WRAP53: variants seen among roughly 807,000 people sequenced by gnomAD.
WRAP53 encodes the protein WD repeat containing antisense to TP53, also known as telomerase Cajal body protein 1.
In WRAP53, 28 loss-of-function variants were observed where a neutral mutation model predicts 56.6. The observed-to-expected ratio is 0.50, with a 90% CI of 0.37 to 0.68. The LOEUF is 0.68. Ranked by LOEUF, WRAP53 falls within the 30% of genes least tolerant of loss-of-function variation. WRAP53 has a pLI of 0.00. For synonymous variants in WRAP53, 283 were observed against 283.4 expected, an observed-to-expected ratio of 1.00 and a Z score of 0.01; for missense variants, 671 against 715.5, an observed-to-expected ratio of 0.94 and a Z score of 0.71.
intron 4 of WRAP53, among the ~76,000 whole-genome samples, chr17:7,691,834 G>GTT (rs35471166): frequency 6.6e-6 from 1 of 150,510 alleles, no homozygotes; most frequent in Non-Finnish European, 1.5e-5. Flanking sequence ...CATGAGAGAG[G>GTT]TTTTTTTTGT....
intron 4 of WRAP53, among the ~76,000 whole-genome samples, chr17:7,694,576 GTGT>G (rs1218394768): frequency 2.6e-5 from 4 of 152,098 alleles, no homozygotes; most frequent in African/African-American, 9.7e-5. Flanking sequence ...TTTGTGGCTG[GTGT>G]GGTGGCTCAT....
intron 4 of WRAP53, among the ~76,000 whole-genome samples, chr17:7,694,855 CTTTTTTT>C (rs35283667): frequency 2.2e-5 from 3 of 136,892 alleles, no homozygotes; most frequent in Non-Finnish European, 4.8e-5. Context: ...CCTTTTTGTG[CTTTTTTT>C]TTTTTTTTTC....
At chr17:7,700,640 G>C in intron 4 of WRAP53, 101 bp from the exon 5 acceptor site, 2 of 803,532 alleles carry the variant, frequency 2.5e-6, no homozygotes, top group Non-Finnish European at 4.5e-6. Flanking sequence ...CAGAGTCTGT[G>C]CTCCATATAT....
At chr17:7,693,124 T>G (rs1263529265) in intron 4 of WRAP53, among the ~76,000 whole-genome samples, 1 of 151,836 alleles carries the variant, frequency 6.6e-6, no homozygotes, top group African/African-American at 2.4e-5. Context: ...GCTGGAGCAC[T>G]CAGGCACTCA....
intron 4 of WRAP53, among the ~76,000 whole-genome samples, chr17:7,695,573 C>G (rs947511765): frequency 3.3e-5 from 5 of 152,130 alleles, no homozygotes; most frequent in African/African-American, 1.2e-4. Context: ...AATGCTGTAG[C>G]CACACAATTG....
chr17:7,699,145 C>T (rs1202449960), intron 4 of WRAP53, among the ~76,000 whole-genome samples: 2 of 151,082 alleles, frequency 1.3e-5, no homozygotes, highest in African/African-American at 2.4e-5. Context: ...CTAGGCTGGG[C>T]GCAGTGGCTC....
intron 4 of WRAP53, among the ~76,000 whole-genome samples, chr17:7,696,899 G>A (rs2074193344): frequency 6.6e-6 from 1 of 152,202 alleles, no homozygotes; most frequent in African/African-American, 2.4e-5. Context: ...CTGTCCACCA[G>A]GCAGTTGGAT....
At chr17:7,689,821 T>A in intron 4 of WRAP53, 120 bp downstream of exon 4, 1 of 804,242 alleles carries the variant, frequency 1.2e-6, no homozygotes, top group Non-Finnish European at 2.0e-6. Context: ...TCAAGACGAG[T>A]TTCCACATGT....
chr17:7,700,776 C>A lies in WRAP53; in HGVS notation c.678C>A (p.Ile226=). The A allele has an allele frequency of 6.2e-7, 1 of 1,613,272 alleles. No individual in the cohort carries two copies. The highest frequency in any genetic ancestry group is 8.5e-7 in the Non-Finnish European group (1 of 1,179,432). The change falls in exon 5 of 11, where the codon ATC becomes ATA. Residue 226 remains isoleucine, a synonymous_variant. Coordinates refer to ENST00000396463, the MANE Select transcript of WRAP53 (RefSeq NM_001143992.2). ...TTCGAATGGTGGAAGGTGATACCAT[C>A]TATGATTACTGCTGGTATTCTCTGA... The part of the protein sequence containing the change: ...PVLRMVEGDT[I]YDYCWYSLMS...
intron 4 of WRAP53, 24 bp downstream of exon 4, chr17:7,689,725 C>T: frequency 6.4e-7 from 1 of 1,563,092 alleles, no homozygotes; most frequent in Non-Finnish European, 8.8e-7. Flanking sequence ...CTAACTGCCT[C>T]TTCATCAATG....
chr17:7,688,460 G>A (rs2151084159), upstream of WRAP53: 2 of 632,382 alleles, frequency 3.2e-6, no homozygotes, highest in Non-Finnish European at 5.4e-6. Context: ...GTAGCGACCC[G>A]CGGTGCTAAG....
At chr17:7,689,504 T>C in intron 3 of WRAP53, 86 bp from the exon 4 acceptor site, 2 of 1,389,924 alleles carry the variant, frequency 1.4e-6, no homozygotes, top group Non-Finnish European at 2.0e-6. Context: ...CAGGGGGGCT[T>C]ACCTACCCCA....
chr17:7,699,514 A>ATT (rs1157771198), intron 4 of WRAP53, among the ~76,000 whole-genome samples: 3 of 25,264 alleles, frequency 1.2e-4, no homozygotes, highest in Non-Finnish European at 1.9e-4. Flanking sequence ...ATATATATAT[A>ATT]TATATATTTA....
rs544431759 is a variant in WRAP53 at position 7,701,108 on chromosome 17, G to A, written c.731+279G>A. ...CTGCCTCAGCCTCCTGAGTAGCTGG[G>A]ATTACAGGTGTGCACCACCACACCC... On this transcript the variant is annotated intron_variant, in intron 5 of 10. Coordinates refer to ENST00000396463, the MANE Select transcript of WRAP53 (RefSeq NM_001143992.2). This position sits in a 1 kb window ranked among gnomAD's most constrained non-coding sequence, Gnocchi z 4.2. Among the ~76,000 whole-genome samples the A allele has an allele frequency of 6.6e-6, 1 of 152,262 alleles. No individual in the cohort carries two copies. Among genetic ancestry groups the A allele is most frequent in the African/African-American group, 2.4e-5 (1 of 41,562 alleles).
intron 4 of WRAP53, 22 bp from the exon 5 acceptor site, chr17:7,700,719 C>T (rs764102509): frequency 1.9e-6 from 3 of 1,581,746 alleles, no homozygotes; most frequent in Middle Eastern, 1.7e-4. Context: ...AGTGACTCAG[C>T]CATTCCCCCG....
chr17:7,703,195 A>G (rs1597423440), intron 10 of WRAP53, 48 bp from the exon 11 acceptor site: 1 of 1,613,282 alleles, frequency 6.2e-7, no homozygotes, highest in Non-Finnish European at 8.5e-7. Flanking sequence ...AGAGGGAGCA[A>G]GTGTCCTCAC....
At chr17:7,694,242 C>CTTTTTTTTTTTTTTTTTTTTTT (rs749740076) in intron 4 of WRAP53, among the ~76,000 whole-genome samples, 1 of 122,618 alleles carries the variant, frequency 8.2e-6, no homozygotes, top group Admixed American at 8.2e-5. Context: ...TTTTTTCTTT[C>CTTTTTTTTTTTTTTTTTTTTTT]TTTTTTTTTT....
intron 4 of WRAP53, among the ~76,000 whole-genome samples, chr17:7,695,095 C>T (rs1458559735): frequency 1.3e-5 from 2 of 151,996 alleles, no homozygotes; most frequent in East Asian, 1.9e-4. Context: ...TGGGACTACA[C>T]GCACCCACTG....
chr17:7,687,358 A>G (rs1395044674), upstream of WRAP53: 3 of 398,484 alleles, frequency 7.5e-6, no homozygotes, highest in African/African-American at 6.2e-5. Flanking sequence ...GGACTCATCA[A>G]GTTCAGTCAG....
Sources: gnomAD v4.1 joint callset for allele counts (sites outside exome capture counted in the v4.1 genomes callset) on GRCh38, gnomAD v4.1.1 for gene constraint, Gnocchi (gnomAD v3.1) non-coding constraint, MANE v1.5 for transcripts, NCBI Gene and HGNC (gene_info 2026-07-23, HGNC 2026-07-21) for gene names.